The following PAX2 variants were observed in gnomAD, a reference collection of about 807,000 sequenced individuals.
PAX2 encodes paired box 2, also known as paired box protein Pax-2.
PAX2 carries 9 observed loss-of-function variants against 41.7 expected under a neutral mutation model. The ratio of observed to expected loss-of-function variants is 0.22; its 90% CI spans 0.13 to 0.38. PAX2 has a LOEUF of 0.38. Ranked by LOEUF, PAX2 falls within the 10% of genes least tolerant of loss-of-function variation. The pLI is 1.00. For missense variants in PAX2, 418 were observed against 531.6 expected (o/e 0.79, Z 2.10); for synonymous variants, 221 against 212.7 (o/e 1.04, Z -0.34).
At chr10:100,808,421 C>T (rs1402242297) in intron 6 of PAX2, among the ~76,000 whole-genome samples, 1 of 152,138 alleles carries the variant, frequency 6.6e-6, no homozygotes, top group East Asian at 1.9e-4. Flanking sequence ...TTAATCAGAG[C>T]AACTTTTCCT....
At chr10:100,815,137 C>T (rs1170049200) in intron 7 of PAX2, among the ~76,000 whole-genome samples, 2 of 152,216 alleles carry the variant, frequency 1.3e-5, no homozygotes, top group African/African-American at 4.8e-5. Context: ...CCTCCAGGAA[C>T]TGCCTCTTTC....
intron 3 of PAX2, among the ~76,000 whole-genome samples, chr10:100,759,996 A>G (rs1845779195): frequency 6.6e-6 from 1 of 152,186 alleles, no homozygotes; most frequent in Non-Finnish European, 1.5e-5. Flanking sequence ...GCGGTCAGGA[A>G]GGAGACACTC....
chr10:100,824,946 A>C lies in PAX2; in HGVS notation c.1021+197A>C. 1 of 1,614,016 alleles carries C rather than the reference A, an allele frequency of 6.2e-7. No homozygotes were observed. Among genetic ancestry groups the C allele is most frequent in the East Asian group, 2.2e-5 (1 of 44,872 alleles). On this transcript the variant is annotated intron_variant, in intron 8 of 9. Transcript: ENST00000355243. The surrounding 1 kb of genome is among the most constrained non-coding windows in gnomAD (Gnocchi z 6.6). ...ATCCTCCCTCATGAGCAAGCCGGGG[A>C]GGAAGCTTGCAGAAGTGCCCCCTTG...
chr10:100,787,008 A>G (rs1205631557), intron 5 of PAX2: 1 of 1,385,484 alleles, frequency 7.2e-7, no homozygotes, highest in South Asian at 1.1e-5. Flanking sequence ...CTGGACTTTA[A>G]GAGGTATGAG....
chr10:100,827,086 G>A lies in PAX2; in HGVS notation c.1099G>A (p.Ala367Thr). The A allele has an allele frequency of 6.2e-7, 1 of 1,612,448 alleles. No individual in the cohort carries two copies. The highest frequency in any genetic ancestry group is 8.5e-7 in the Non-Finnish European group (1 of 1,178,570). ...YNEAWRFSNP[A>T]LLSSPYYYSA... is the part of the protein sequence containing the mutation. ...CGAGGCTTGGAGATTCAGCAACCCCGCCTTACTAAGTGAGTACGCCACCTG... is the reference window on the plus strand; with the variant it reads ...CGAGGCTTGGAGATTCAGCAACCCCACCTTACTAAGTGAGTACGCCACCTG... The change falls in exon 9 of 10, where the codon GCC (alanine) becomes ACC (threonine). Residue 367 changes from alanine to threonine, a missense_variant. Physicochemically the swap from Ala to Thr is moderately conservative, Grantham distance 58 (BLOSUM62 0). Around this residue, in one of 2 missense-constraint regions of PAX2, gnomAD observed 310 missense variants for 325.2 expected, o/e 0.95. Coordinates refer to ENST00000355243, the MANE Select transcript of PAX2 (RefSeq NM_000278.5). The surrounding 1 kb of genome is among the most constrained non-coding windows in gnomAD (Gnocchi z 8.5).
At position 100,750,836 on chromosome 10, in the gene PAX2, C is replaced by T; in HGVS notation, c.355C>T (p.Leu119=). ...CGCCTGGGAGATTCGAGACCGGCTC[C>T]TGGCCGAGGGCATCTGTGACAATGA... ...MFAWEIRDRL[L]AEGICDNDTV... Residue 119 remains leucine, a synonymous_variant, in exon 3 of 10, where the codon CTG becomes TTG. Coordinates refer to ENST00000355243, the MANE Select transcript of PAX2 (RefSeq NM_000278.5). The surrounding 1 kb of genome is among the most constrained non-coding windows in gnomAD (Gnocchi z 4.1). 3 of 1,614,202 alleles carry T rather than the reference C, an allele frequency of 1.9e-6. No homozygotes were observed.
chr10:100,787,529 G>C (rs1476229832), intron 5 of PAX2, among the ~76,000 whole-genome samples: 1 of 152,152 alleles, frequency 6.6e-6, no homozygotes, highest in Non-Finnish European at 1.5e-5. Context: ...TCTTGGCAAG[G>C]TGAAAGAAAA....
chr10:100,770,257 C>T (rs1054013046), intron 3 of PAX2, among the ~76,000 whole-genome samples: 1 of 152,056 alleles, frequency 6.6e-6, no homozygotes, highest in African/African-American at 2.4e-5. Context: ...GAGACTTTAT[C>T]CCAGCAATGA....
At chr10:100,759,096 G>T (rs577971883) in intron 3 of PAX2, among the ~76,000 whole-genome samples, 1 of 152,150 alleles carries the variant, frequency 6.6e-6, no homozygotes, top group Non-Finnish European at 1.5e-5. Context: ...GAAATGGCAC[G>T]GCAGAGCCCG....
chr10:100,813,439 T>C (rs57927795), intron 7 of PAX2, among the ~76,000 whole-genome samples: 239 of 152,310 alleles, frequency 1.6e-3, no homozygotes, highest in African/African-American at 5.7e-3. Context: ...CAGATCAGTA[T>C]TGGAGAGGCC....
chr10:100,749,307 C>T (rs868243993), intron 1 of PAX2: 21 of 1,002,958 alleles, frequency 2.1e-5, no homozygotes, highest in Middle Eastern at 9.9e-4. Context: ...GCCTCCAAGC[C>T]CCGCACGCGC....
At position 100,746,205 on chromosome 10, in the gene PAX2, G is replaced by A; in HGVS notation, c.-56G>A. ...TTTTCTCCTCAAGTCCTGAAGTTGAGTTTGAGAGGCGACACGGCGGCGGCG... is the reference window on the plus strand; with the variant it reads ...TTTTCTCCTCAAGTCCTGAAGTTGAATTTGAGAGGCGACACGGCGGCGGCG... On this transcript the variant is annotated 5_prime_UTR_variant, in exon 1 of 10. Transcript: ENST00000355243. 1.2e-6 allele frequency: 2 copies of A among 1,613,204 alleles called. No homozygotes were observed. Among genetic ancestry groups the A allele is most frequent in the South Asian group, 2.2e-5 (2 of 91,074 alleles).
intron 7 of PAX2, among the ~76,000 whole-genome samples, chr10:100,811,897 G>A (rs1848002480): frequency 6.6e-6 from 1 of 152,226 alleles, no homozygotes. Flanking sequence ...AACCTTAGGG[G>A]ATGAGGGAAT....
chr10:100,745,872 C>A lies in PAX2; in HGVS notation c.-389C>A. ...CCCGCCCCGCGCGCTCTCCGACCAC[C>A]GCCTCTCGGATGACCAGGTTCCAGG... is the stretch of plus-strand genomic sequence containing the variant. On this transcript the variant is annotated 5_prime_UTR_variant, in exon 1 of 10. Coordinates refer to ENST00000355243, the MANE Select transcript of PAX2 (RefSeq NM_000278.5). 1.8e-6 allele frequency: 2 copies of A among 1,118,764 alleles called. No individual in the cohort carries two copies. The highest frequency in any genetic ancestry group is 1.1e-6 in the Non-Finnish European group (1 of 916,002). The allele number at this position is 1,118,764 out of a possible 1,614,324, so 69.3% of individuals were successfully genotyped here. A position where few individuals can be genotyped will look rare whatever the true frequency, so the allele number is the denominator to read the frequency against.
At chr10:100,764,136 A>ATTTT (rs145391942) in intron 3 of PAX2, among the ~76,000 whole-genome samples, 21 of 103,754 alleles carry the variant, frequency 2.0e-4, no homozygotes, top group East Asian at 8.4e-4. Flanking sequence ...CAAACATTGA[A>ATTTT]TTTTTTTTTT....
chr10:100,779,329 A>C (rs1846515905), intron 3 of PAX2, among the ~76,000 whole-genome samples, 169 bp from the exon 4 acceptor site: 1 of 152,242 alleles, frequency 6.6e-6, no homozygotes, highest in Non-Finnish European at 1.5e-5. Flanking sequence ...AGCCAACAGA[A>C]GGAAAACCCT....
chr10:100,827,589 C>G lies in PAX2; in HGVS notation c.1155C>G (p.Ala385=). The change falls in exon 10 of 10, where the codon GCC becomes GCG. Residue 385 remains alanine, a synonymous_variant. Transcript: ENST00000355243. The surrounding 1 kb of genome is among the most constrained non-coding windows in gnomAD (Gnocchi z 8.5). Reference sequence around the variant, plus strand: ...CCGCCCCCCGGGGCTCCGCCCCTGCCGCTGCTGCCGCTGCCTATGACCGCC... The same window carrying G: ...CCGCCCCCCGGGGCTCCGCCCCTGCGGCTGCTGCCGCTGCCTATGACCGCC... ...YSAAPRGSAP[A]AAAAAYDRH is the part of the protein sequence containing the mutation. 6.2e-7 allele frequency: 1 copy of G among 1,613,744 alleles called. No individual in the cohort carries two copies. Among genetic ancestry groups the G allele is most frequent in the Middle Eastern group, 1.7e-4 (1 of 6,042 alleles).
At chr10:100,794,248 C>T (rs551164753) in intron 5 of PAX2, among the ~76,000 whole-genome samples, 48 of 152,346 alleles carry the variant, frequency 3.2e-4, no homozygotes, top group African/African-American at 1.0e-3. Context: ...CCAAGTCATG[C>T]GGGTTGAGGG....
At chr10:100,810,543 T>G (rs1847956333) in intron 7 of PAX2, among the ~76,000 whole-genome samples, 1 of 152,190 alleles carries the variant, frequency 6.6e-6, no homozygotes, top group Admixed American at 6.5e-5. Context: ...TGAGCCATCC[T>G]TCGCCCAGCT....
Sources: allele counts gnomAD v4.1 joint callset (sites outside exome capture counted in the v4.1 genomes callset), GRCh38; gene constraint gnomAD v4.1.1; regional missense constraint gnomAD v4.1.1; non-coding constraint Gnocchi (gnomAD v3.1); transcripts MANE v1.5; gene names NCBI Gene and HGNC (gene_info 2026-07-23, HGNC 2026-07-21).